Variants in NRXN3 observed in about 807,000 individuals in gnomAD.
The protein encoded by NRXN3 is neurexin 3.
A neutral mutation model predicts 137.6 loss-of-function variants in NRXN3; 32 were observed. The observed-to-expected ratio is 0.23, with a 90% CI of 0.18 to 0.31. The LOEUF (loss-of-function observed/expected upper bound fraction) is 0.31. NRXN3 is among the 10% of genes least tolerant of loss of function. NRXN3 has a pLI of 1.00. For missense variants in NRXN3, 1,574 were observed against 2,062.5 expected, an observed-to-expected ratio of 0.76 and a Z score of 4.59; for synonymous variants, 798 against 784.5, an observed-to-expected ratio of 1.02 and a Z score of -0.29.
chr14:79,010,924 G>A (rs1455530649), intron 15 of NRXN3, among the ~76,000 whole-genome samples: 1 of 151,988 alleles, frequency 6.6e-6, no homozygotes, highest in Non-Finnish European at 1.5e-5. Context: ...CTTATGCTGT[G>A]GCACAAAAAA....
At chr14:79,261,642 T>TGTGTGTGA (rs10699959) in intron 15 of NRXN3, among the ~76,000 whole-genome samples, 3 of 33,964 alleles carry the variant, frequency 8.8e-5, no homozygotes, top group East Asian at 1.6e-3. Context: ...TGTGTGTGTG[T>TGTGTGTGA]GATGGGGTGG....
chr14:79,484,910 T>C (rs1327223094), intron 16 of NRXN3, among the ~76,000 whole-genome samples: 1 of 152,208 alleles, frequency 6.6e-6, no homozygotes, highest in Non-Finnish European at 1.5e-5. Flanking sequence ...TTTGACTCAG[T>C]AGCTCGACTT....
chr14:78,886,407 A>G (rs937457180), intron 10 of NRXN3, among the ~76,000 whole-genome samples: 2 of 152,096 alleles, frequency 1.3e-5, no homozygotes, highest in African/African-American at 4.8e-5. Flanking sequence ...AGTTCATGAT[A>G]TTCAATAAAT....
At chr14:78,397,628 G>A (rs1035195652) in intron 4 of NRXN3, among the ~76,000 whole-genome samples, 5 of 151,660 alleles carry the variant, frequency 3.3e-5, no homozygotes, top group African/African-American at 1.2e-4. Flanking sequence ...GTTTGTGACA[G>A]AGTCTAGCTC....
chr14:78,779,829 CA>C (rs1173172057), intron 8 of NRXN3, among the ~76,000 whole-genome samples: 5 of 152,196 alleles, frequency 3.3e-5, no homozygotes, highest in African/African-American at 1.2e-4. Context: ...AAGTCATCAA[CA>C]TTGACCATAT....
intron 4 of NRXN3, among the ~76,000 whole-genome samples, chr14:78,519,876 C>A (rs544179983): frequency 6.6e-6 from 1 of 152,260 alleles, no homozygotes; most frequent in East Asian, 1.9e-4. Context: ...TGCTGGAACA[C>A]AAGAAATGCT....
At position 78,233,015 on chromosome 14, in the gene NRXN3, C is replaced by A. The variant is rs531881909; in HGVS notation, c.-703-9376C>A. Among the ~76,000 whole-genome samples the A allele has an allele frequency of 4.6e-5, 7 of 152,238 alleles. No homozygotes were observed. In the East Asian group the frequency reaches 7.7e-4, roughly 17 times the overall value. ...GTTTGTTGTTGTTGTTGGTTTTCAC[C>A]CACTAGAGAACTCAGGGTGCAACAA... On this transcript the variant is annotated intron_variant, in intron 1 of 20. Transcript: ENST00000335750.
At chr14:78,234,538 C>G (rs1246778622) in intron 1 of NRXN3, among the ~76,000 whole-genome samples, 1 of 152,128 alleles carries the variant, frequency 6.6e-6, no homozygotes, top group African/African-American at 2.4e-5. Context: ...GCTCTAGAGC[C>G]CATGCCTTTA....
intron 19 of NRXN3, among the ~76,000 whole-genome samples, chr14:79,782,819 T>C (rs1162548421): frequency 3.3e-5 from 5 of 152,176 alleles, no homozygotes; most frequent in Admixed American, 3.3e-4. Context: ...TGAATTTGAA[T>C]TTTTCTGAGT....
Position 78,636,067 on chromosome 14 carries a change from C to T in NRXN3, c.758-9053C>T, listed in dbSNP as rs372914961. ...GATACTTTTATTTTGGTGCCTATTT[C>T]AATATTTGTTGAGCGCTGAGGTGAC... On this transcript the variant is annotated intron_variant, in intron 4 of 20. Transcript: ENST00000335750. 4.7e-4 allele frequency among the ~76,000 whole-genome samples: 71 copies of T among 152,200 alleles called. 1 individual carries two copies. In the South Asian group the frequency reaches 7.5e-3, roughly 16 times the overall value.
intron 8 of NRXN3, among the ~76,000 whole-genome samples, chr14:78,800,568 G>A (rs112090670): frequency 5.9e-5 from 9 of 152,164 alleles, no homozygotes; most frequent in African/African-American, 9.6e-5. Context: ...ATCTGTAATC[G>A]CTTTATAGTT....
chr14:78,885,302 A>G (rs1176490022), intron 10 of NRXN3, among the ~76,000 whole-genome samples: 1 of 151,608 alleles, frequency 6.6e-6, no homozygotes, highest in African/African-American at 2.4e-5. Context: ...AGAAGACATT[A>G]TCAGTAATAT....
At chr14:78,924,788 T>C (rs944768808) in intron 10 of NRXN3, among the ~76,000 whole-genome samples, 1 of 152,186 alleles carries the variant, frequency 6.6e-6, no homozygotes, top group Admixed American at 6.5e-5. Flanking sequence ...ATAACTCTTG[T>C]TAAAATCAGA....
intron 15 of NRXN3, among the ~76,000 whole-genome samples, chr14:79,347,504 C>T (rs1369967475): frequency 1.4e-5 from 2 of 138,778 alleles, no homozygotes; most frequent in Non-Finnish European, 3.2e-5. Context: ...TCACTACTAC[C>T]TCCGCCTCCT....
chr14:79,830,672 C>T (rs2099320515), intron 20 of NRXN3, among the ~76,000 whole-genome samples: 1 of 152,166 alleles, frequency 6.6e-6, no homozygotes, highest in African/African-American at 2.4e-5. Context: ...ACCCAAATTG[C>T]AACTGAGGAA....
At chr14:78,183,114 G>C (rs1472037553) in intron 1 of NRXN3, among the ~76,000 whole-genome samples, 6 of 152,136 alleles carry the variant, frequency 3.9e-5, no homozygotes, top group Non-Finnish European at 5.9e-5. Flanking sequence ...TGAAACAAGG[G>C]ACGTCTTTAG....
chr14:78,400,628 G>A (rs1003977927), intron 4 of NRXN3, among the ~76,000 whole-genome samples: 2 of 152,184 alleles, frequency 1.3e-5, no homozygotes, highest in African/African-American at 4.8e-5. Context: ...GACTGTGCAT[G>A]ATGCTGTATA....
At chr14:78,489,945 C>T (rs1010399813) in intron 4 of NRXN3, among the ~76,000 whole-genome samples, 1 of 150,246 alleles carries the variant, frequency 6.7e-6, no homozygotes, top group Non-Finnish European at 1.5e-5. Flanking sequence ...GACAGAGTCT[C>T]ACGCTATCAC....
chr14:79,205,332 A>G (rs1356869023), intron 15 of NRXN3, among the ~76,000 whole-genome samples: 3 of 152,154 alleles, frequency 2.0e-5, no homozygotes, highest in African/African-American at 7.2e-5. Flanking sequence ...TTTAATATAT[A>G]TCTTAAAACT....
Sources: gnomAD v4.1 joint callset for allele counts (sites outside exome capture counted in the v4.1 genomes callset) on GRCh38, gnomAD v4.1.1 for gene constraint, MANE v1.5 for transcripts, NCBI Gene and HGNC (gene_info 2026-07-23, HGNC 2026-07-21) for gene names.